The following TSPAN18 variants were observed in gnomAD, a reference collection of about 807,000 sequenced individuals.
The protein encoded by TSPAN18 is tetraspanin 18.
TSPAN18 carries 14 observed loss-of-function variants against 27.3 expected under a neutral mutation model. The ratio of observed to expected loss-of-function variants is 0.51; its 90% confidence interval spans 0.34 to 0.80. The LOEUF (loss-of-function observed/expected upper bound fraction) is 0.80. Ranked by LOEUF, TSPAN18 falls within the 30% of genes least tolerant of loss-of-function variation. The pLI, the probability that TSPAN18 is intolerant of heterozygous loss-of-function variation, is 0.01. For synonymous variants in TSPAN18, 143 were observed against 136.5 expected (o/e 1.05, Z -0.33); for missense variants, 268 against 323.9 (o/e 0.83, Z 1.32).
At chr11:44,826,969 G>C (rs1358219460) in intron 2 of TSPAN18, among the ~76,000 whole-genome samples, 1 of 152,228 alleles carries the variant, frequency 6.6e-6, no homozygotes, top group Non-Finnish European at 1.5e-5. Context: ...GAGGGACTCT[G>C]TCTTCTACAT....
chr11:44,733,742 C>T (rs1322077770), intron 1 of TSPAN18, among the ~76,000 whole-genome samples: 10 of 152,118 alleles, frequency 6.6e-5, no homozygotes, highest in Admixed American at 5.2e-4. Flanking sequence ...ACATTTGGGC[C>T]GCTTTGGGAA....
At chr11:44,892,671 C>T (rs539604038) in intron 3 of TSPAN18, among the ~76,000 whole-genome samples, 33 of 152,334 alleles carry the variant, frequency 2.2e-4, no homozygotes, top group South Asian at 4.1e-4. Context: ...AGTCCAGCCC[C>T]GGTCTATGGG....
chr11:44,886,881 C>T (rs1488448602), intron 3 of TSPAN18, among the ~76,000 whole-genome samples: 1 of 152,132 alleles, frequency 6.6e-6, no homozygotes, highest in Non-Finnish European at 1.5e-5. Context: ...GTGTGATCTG[C>T]ATCCACAGCT....
chr11:44,893,238 GAT>G (rs1858916650), intron 3 of TSPAN18, among the ~76,000 whole-genome samples: 1 of 152,252 alleles, frequency 6.6e-6, no homozygotes, highest in Non-Finnish European at 1.5e-5. Context: ...AGAGCCTGCA[GAT>G]GCTCTGTGCC....
At chr11:44,920,520 C>T (rs1860088776) in intron 8 of TSPAN18, among the ~76,000 whole-genome samples, 1 of 152,192 alleles carries the variant, frequency 6.6e-6, no homozygotes, top group African/African-American at 2.4e-5. Context: ...GGAAGAAACC[C>T]TTTCCCTTCC....
Position 44,930,260 on chromosome 11 carries a change from A to G in TSPAN18, c.*1082A>G, listed in dbSNP as rs1860514748. 6.6e-6 allele frequency: 1 copy of G among 152,392 alleles called. No individual in the cohort carries two copies. The highest frequency in any genetic ancestry group is 1.5e-5 in the Non-Finnish European group (1 of 68,252). The allele number at this position is 152,392 out of a possible 1,614,324, so 9.4% of individuals were successfully genotyped here. On this transcript the variant is annotated 3_prime_UTR_variant, in exon 10 of 10. Transcript: ENST00000520358. Reference sequence around the variant, plus strand: ...GATATCTTCTTCAACATCCTTGCCAAGACTTCTCCACCCTCTTGCATACCT... The same window carrying G: ...GATATCTTCTTCAACATCCTTGCCAGGACTTCTCCACCCTCTTGCATACCT...
intron 3 of TSPAN18, among the ~76,000 whole-genome samples, chr11:44,866,577 C>T (rs746301098): frequency 2.0e-5 from 3 of 152,230 alleles, no homozygotes; most frequent in Non-Finnish European, 4.4e-5. Context: ...GTCTCCCAAC[C>T]ATTCTCTGGC....
chr11:44,872,689 C>T (rs1242345550), intron 3 of TSPAN18, among the ~76,000 whole-genome samples: 1 of 152,142 alleles, frequency 6.6e-6, no homozygotes, highest in Non-Finnish European at 1.5e-5. Context: ...TTCACAGCAG[C>T]CTTATGAGAT....
chr11:44,729,077 T>C (rs1854588964), intron 1 of TSPAN18, among the ~76,000 whole-genome samples: 1 of 152,246 alleles, frequency 6.6e-6, no homozygotes, highest in Non-Finnish European at 1.5e-5. Flanking sequence ...CAATGTAGTC[T>C]GCCACATGTT....
chr11:44,742,128 G>T (rs1449233299), intron 1 of TSPAN18, among the ~76,000 whole-genome samples: 1 of 152,184 alleles, frequency 6.6e-6, no homozygotes, highest in Non-Finnish European at 1.5e-5. Flanking sequence ...TGAGAAAGTG[G>T]AAATATTTGT....
At chr11:44,736,574 G>C (rs58260467) in intron 1 of TSPAN18, 9,119 of 152,208 alleles carry the variant, frequency 0.06, 407 homozygotes, top group African/African-American at 0.12. Context: ...ATCTGAATAG[G>C]GGGGGTCCCT....
intron 2 of TSPAN18, among the ~76,000 whole-genome samples, chr11:44,800,162 A>T (rs1235010593): frequency 6.6e-6 from 1 of 151,980 alleles, no homozygotes; most frequent in Non-Finnish European, 1.5e-5. Context: ...CAGCCTGGCA[A>T]GTACTTATTG....
Position 44,755,467 on chromosome 11 carries a change from A to G in TSPAN18, c.-239-8959A>G, listed in dbSNP as rs190922140. On this transcript the variant is annotated intron_variant, in intron 1 of 9. Coordinates refer to ENST00000520358, the MANE Select transcript of TSPAN18 (RefSeq NM_130783.5). Reference sequence around the variant, plus strand: ...CCCCCAGCCAGACAAGTGCAGGTGGAGAGCCCGGCAGACACTGCAAGGTTC... The same window carrying G: ...CCCCCAGCCAGACAAGTGCAGGTGGGGAGCCCGGCAGACACTGCAAGGTTC... Among the ~76,000 whole-genome samples the G allele has an allele frequency of 4.1e-4, 62 of 151,716 alleles. No individual in the cohort carries two copies. In the East Asian group the frequency reaches 8.2e-3, roughly 20 times the overall value.
intron 3 of TSPAN18, among the ~76,000 whole-genome samples, chr11:44,882,848 G>T (rs1858534997): frequency 6.6e-6 from 1 of 152,134 alleles, no homozygotes; most frequent in South Asian, 2.1e-4. Context: ...CAAGGGCGCT[G>T]CCTTTTGTTC....
At chr11:44,842,440 T>A (rs1857392271) in intron 2 of TSPAN18, among the ~76,000 whole-genome samples, 1 of 152,186 alleles carries the variant, frequency 6.6e-6, no homozygotes, top group Non-Finnish European at 1.5e-5. Context: ...CACAGAGCAT[T>A]TTCTATGCAT....
chr11:44,759,773 A>C (rs1286270284), intron 1 of TSPAN18, among the ~76,000 whole-genome samples: 1 of 152,252 alleles, frequency 6.6e-6, no homozygotes, highest in Non-Finnish European at 1.5e-5. Flanking sequence ...CAGAGGGAGT[A>C]AGATACCACC....
At chr11:44,868,873 A>G (rs75033949) in intron 3 of TSPAN18, among the ~76,000 whole-genome samples, 1,663 of 152,320 alleles carry the variant, frequency 0.011, 16 homozygotes, top group Middle Eastern at 0.024. Context: ...TCCTGCTTCC[A>G]ATGCATCCAC....
At chr11:44,807,746 G>T (rs1248476057) in intron 2 of TSPAN18, among the ~76,000 whole-genome samples, 8 of 152,108 alleles carry the variant, frequency 5.3e-5, no homozygotes, top group Non-Finnish European at 1.2e-4. Context: ...TGGCCTGGTA[G>T]CCCTCAGACA....
intron 3 of TSPAN18, among the ~76,000 whole-genome samples, chr11:44,905,929 T>G (rs1590664531): frequency 6.6e-6 from 1 of 152,046 alleles, no homozygotes; most frequent in South Asian, 2.1e-4. Context: ...GGCTGGAGGG[T>G]GTGTGGGTTG....
Sources: allele counts gnomAD v4.1 joint callset (sites outside exome capture counted in the v4.1 genomes callset), GRCh38; gene constraint gnomAD v4.1.1; transcripts MANE v1.5; gene names NCBI Gene and HGNC (gene_info 2026-07-23, HGNC 2026-07-21).